The following HTR1F variants were observed in gnomAD, a reference collection of about 807,000 sequenced individuals.
HTR1F encodes 5-hydroxytryptamine receptor 1F, also known as 5-hydroxytryptamine (serotonin) receptor 1F, G protein-coupled.
In HTR1F, 17 loss-of-function variants were observed where a neutral mutation model predicts 24.0. The ratio of observed to expected loss-of-function variants is 0.71; its 90% CI spans 0.48 to 1.06. The LOEUF is 1.06. HTR1F is among the 50% of genes least tolerant of loss of function. The pLI, the probability that HTR1F is intolerant of heterozygous loss-of-function variation, is 0.00. For missense variants in HTR1F, 391 were observed against 427.8 expected (o/e 0.91, Z 0.76); for synonymous variants, 186 against 156.8 (o/e 1.19, Z -1.39).
At chr3:87,978,184 C>T (rs1020722540) in intron 2 of HTR1F, among the ~76,000 whole-genome samples, 6 of 152,174 alleles carry the variant, frequency 3.9e-5, no homozygotes, top group African/African-American at 1.4e-4. Flanking sequence ...ATGAGGGGAA[C>T]ATGGTGGCAC....
At chr3:87,926,922 T>C (rs971644885) in intron 2 of HTR1F, among the ~76,000 whole-genome samples, 5 of 149,628 alleles carry the variant, frequency 3.3e-5, no homozygotes, top group African/African-American at 1.2e-4. Flanking sequence ...TGAGAAATGT[T>C]AGTTAGTTAA....
chr3:87,878,695 A>C (rs930736289), intron 2 of HTR1F, among the ~76,000 whole-genome samples: 94 of 151,974 alleles, frequency 6.2e-4, no homozygotes, highest in Non-Finnish European at 7.8e-4. Context: ...ACACACACAC[A>C]GATTTTTTTT....
At chr3:87,931,110 C>T (rs975050697) in intron 2 of HTR1F, among the ~76,000 whole-genome samples, 1 of 147,150 alleles carries the variant, frequency 6.8e-6, no homozygotes, top group Non-Finnish European at 1.5e-5. Context: ...GTGCAGGTTA[C>T]ATATGTATAC....
chr3:87,970,704 C>G (rs936046839), intron 2 of HTR1F, among the ~76,000 whole-genome samples: 27 of 152,162 alleles, frequency 1.8e-4, no homozygotes, highest in African/African-American at 6.3e-4. Flanking sequence ...GACACGGATT[C>G]CTTCCCTTAT....
In HTR1F at chr3:87,990,984, T is replaced by G. The variant is rs1438561798; in HGVS notation, c.235T>G (p.Phe79Val). The change falls in exon 3 of 3, where the codon TTC becomes GTC. Residue 79 changes from phenylalanine (F) to valine (V), a missense_variant. Physicochemically the swap from Phe to Val is conservative, Grantham distance 50. Coordinates refer to ENST00000319595, the MANE Select transcript of HTR1F (RefSeq NM_001322209.2). ...TCTTGTGGCTGTCCTGGTGATGCCC[T>G]TCAGCATTGTGTATATTGTGAGAGA... ...DFLVAVLVMP[F>V]SIVYIVRESW... 1 of 1,614,060 alleles carries G rather than the reference T, an allele frequency of 6.2e-7. No individual in the cohort carries two copies. Among genetic ancestry groups the G allele is most frequent in the Non-Finnish European group, 8.5e-7 (1 of 1,180,042 alleles).
chr3:87,880,341 A>G (rs941860744), intron 2 of HTR1F, among the ~76,000 whole-genome samples: 3 of 152,146 alleles, frequency 2.0e-5, no homozygotes, highest in Admixed American at 6.5e-5. Context: ...TCTCAATAAA[A>G]TTTTTTAAAG....
At chr3:87,907,621 C>T (rs1576014004) in intron 2 of HTR1F, among the ~76,000 whole-genome samples, 2 of 151,930 alleles carry the variant, frequency 1.3e-5, no homozygotes, top group Admixed American at 1.3e-4. Context: ...AATATTCACA[C>T]CATATCAACC....
At chr3:87,816,353 G>A (rs1222550875) in intron 1 of HTR1F, among the ~76,000 whole-genome samples, 1 of 152,012 alleles carries the variant, frequency 6.6e-6, no homozygotes, top group African/African-American at 2.4e-5. Context: ...TGTTTTATAG[G>A]ATTTGTTAGT....
chr3:87,896,250 A>G lies in HTR1F; in HGVS notation c.-43+74126A>G, dbSNP rs558157979. Among the ~76,000 whole-genome samples the G allele has an allele frequency of 1.2e-4, 19 of 152,318 alleles. No homozygotes were observed. The South Asian group carries it at 3.5e-3, about 28-fold the overall frequency. ...CTGCTCAATGCATACACCAATAGTC[A>G]TAGCAGCAGCCTGGGCCTCCTTCTG... On this transcript the variant is annotated intron_variant, in intron 2 of 2. Coordinates refer to ENST00000319595, the MANE Select transcript of HTR1F (RefSeq NM_001322209.2).
At chr3:87,866,500 A>C (rs1443418530) in intron 2 of HTR1F, among the ~76,000 whole-genome samples, 1 of 151,896 alleles carries the variant, frequency 6.6e-6, no homozygotes, top group East Asian at 1.9e-4. Flanking sequence ...ACTACAAGCC[A>C]TCACCAGATT....
intron 2 of HTR1F, among the ~76,000 whole-genome samples, chr3:87,939,831 T>C (rs1331190771): frequency 1.3e-5 from 2 of 152,180 alleles, no homozygotes; most frequent in African/African-American, 4.8e-5. Context: ...ATTCATTGAC[T>C]TTTTTGAAGG....
chr3:87,902,227 C>A (rs1474838899), intron 2 of HTR1F, among the ~76,000 whole-genome samples: 2 of 151,946 alleles, frequency 1.3e-5, no homozygotes, highest in African/African-American at 2.4e-5. Context: ...GAAAGTAGCA[C>A]AATAGAATAA....
intron 1 of HTR1F, among the ~76,000 whole-genome samples, chr3:87,812,971 C>T (rs1704185735): frequency 6.6e-6 from 1 of 152,202 alleles, no homozygotes; most frequent in Admixed American, 6.5e-5. Context: ...ATAGCAATGC[C>T]TGGTTGTCCA....
At chr3:87,973,741 A>G (rs915352893) in intron 2 of HTR1F, among the ~76,000 whole-genome samples, 3 of 152,250 alleles carry the variant, frequency 2.0e-5, no homozygotes, top group Admixed American at 1.3e-4. Flanking sequence ...GCCTTTGGAC[A>G]CATGCCCTAC....
At chr3:87,904,071 C>G (rs528425695) in intron 2 of HTR1F, among the ~76,000 whole-genome samples, 1 of 151,760 alleles carries the variant, frequency 6.6e-6, no homozygotes, top group African/African-American at 2.4e-5. Flanking sequence ...AGACTTGAAC[C>G]AATAATTCAC....
chr3:87,910,219 T>C (rs963748785), intron 2 of HTR1F: 1 of 151,978 alleles, frequency 6.6e-6, no homozygotes, highest in Non-Finnish European at 1.5e-5. Context: ...AAACTTTTCC[T>C]GTGTTGTATG....
intron 1 of HTR1F, among the ~76,000 whole-genome samples, chr3:87,818,775 G>T (rs1011152033): frequency 6.6e-6 from 1 of 152,118 alleles, no homozygotes; most frequent in Admixed American, 6.5e-5. Context: ...ACTCACTCAG[G>T]GTTGGGCAAG....
chr3:87,826,391 TC>T (rs1476655981), intron 2 of HTR1F, among the ~76,000 whole-genome samples: 1 of 152,222 alleles, frequency 6.6e-6, no homozygotes, highest in Non-Finnish European at 1.5e-5. Flanking sequence ...CATAGCTTTT[TC>T]TACTCTACCC....
At chr3:87,812,169 G>C (rs1704171322) in intron 1 of HTR1F, among the ~76,000 whole-genome samples, 1 of 152,152 alleles carries the variant, frequency 6.6e-6, no homozygotes, top group Non-Finnish European at 1.5e-5. Flanking sequence ...CTGCTAGAAA[G>C]ATACAGAAAA....
Sources: gnomAD v4.1 joint callset for allele counts (sites outside exome capture counted in the v4.1 genomes callset) on GRCh38, gnomAD v4.1.1 for gene constraint, MANE v1.5 for transcripts, NCBI Gene and HGNC (gene_info 2026-07-23, HGNC 2026-07-21) for gene names.